Variants in CSMD1 observed in about 807,000 individuals in gnomAD.
CSMD1 encodes the protein CUB and sushi domain-containing protein 1.
Under a neutral mutation model 417.5 loss-of-function variants are expected in CSMD1, and 213 were observed. That is an observed-to-expected ratio of 0.51 (90% CI 0.46 to 0.57). The LOEUF (loss-of-function observed/expected upper bound fraction) is 0.57. Among genes scored for constraint, CSMD1 ranks in the 20% least tolerant of loss-of-function variants. The probability of loss-of-function intolerance (pLI) is 0.00; values close to 1 mark genes in which losing one functional copy is unlikely to be tolerated. For synonymous variants in CSMD1, 2,862 were observed against 1,736.8 expected, an observed-to-expected ratio of 1.65 and a Z score of -16.11; for missense variants, 6,923 against 4,529.7, an observed-to-expected ratio of 1.53 and a Z score of -15.17.
chr8:3,850,121 G>A (rs1279446358), intron 5 of CSMD1, among the ~76,000 whole-genome samples: 3 of 152,186 alleles, frequency 2.0e-5, no homozygotes, highest in African/African-American at 7.2e-5. Flanking sequence ...TGATACATTT[G>A]GGCGATGTCG....
intron 34 of CSMD1, 82 bp downstream of exon 34, chr8:3,189,830 T>A: frequency 7.7e-7 from 1 of 1,298,076 alleles, no homozygotes; most frequent in East Asian, 2.5e-5. Flanking sequence ...TGGATTTACG[T>A]AGCCTGGATA....
At chr8:4,549,896 C>CAAAAAAAAA (rs777040766) in intron 2 of CSMD1, among the ~76,000 whole-genome samples, 33 of 88,604 alleles carry the variant, frequency 3.7e-4, no homozygotes, top group East Asian at 7.6e-4. Context: ...GACTTTGTCT[C>CAAAAAAAAA]AAAAAAAAAA....
At chr8:3,329,733 A>G (rs1806772903) in intron 23 of CSMD1, among the ~76,000 whole-genome samples, 1 of 152,056 alleles carries the variant, frequency 6.6e-6, no homozygotes, top group Non-Finnish European at 1.5e-5. Flanking sequence ...CTAACTGAAG[A>G]GTGTGAGCAG....
At chr8:4,601,360 C>T (rs903114892) in intron 2 of CSMD1, among the ~76,000 whole-genome samples, 1 of 152,166 alleles carries the variant, frequency 6.6e-6, no homozygotes, top group African/African-American at 2.4e-5. Flanking sequence ...ACCAGGGCCT[C>T]TCTGAAGTGT....
Position 3,010,746 on chromosome 8 carries a change from CT to C in CSMD1, c.8029+7730del, listed in dbSNP as rs34404492. 8.8e-3 allele frequency among the ~76,000 whole-genome samples: 1,254 copies of C among 143,096 alleles called. 7 individuals are homozygous for C. Among genetic ancestry groups the C allele is most frequent in the Middle Eastern group, 0.03 (8 of 266 alleles). 93.9% of individuals were successfully genotyped at this position (143,096 alleles called of 152,430 possible). A position where few individuals can be genotyped will look rare whatever the true frequency, so the allele number is the denominator to read the frequency against. Reference sequence around the variant, plus strand: ...CCTTTTGCCATTATTCTATTCCCAACTTTTTTTTTTTTTTTGAGATGAAATT... The same window carrying C: ...CCTTTTGCCATTATTCTATTCCCAACTTTTTTTTTTTTTTGAGATGAAATT... On this transcript the variant is annotated intron_variant, in intron 52 of 69. Transcript: ENST00000635120.
chr8:4,530,865 G>C (rs1428094790), intron 2 of CSMD1, among the ~76,000 whole-genome samples: 1 of 151,800 alleles, frequency 6.6e-6, no homozygotes, highest in Non-Finnish European at 1.5e-5. Context: ...TTTTCACAAA[G>C]AAGTAAAGTC....
intron 3 of CSMD1, among the ~76,000 whole-genome samples, chr8:4,236,308 A>C (rs577237591): frequency 2.0e-5 from 3 of 152,240 alleles, no homozygotes; most frequent in South Asian, 4.1e-4. Flanking sequence ...AGAACGCAGG[A>C]AACAGTATAG....
At chr8:4,449,290 A>G (rs759325221) in intron 2 of CSMD1, among the ~76,000 whole-genome samples, 1 of 152,214 alleles carries the variant, frequency 6.6e-6, no homozygotes, top group African/African-American at 2.4e-5. Flanking sequence ...GAAATGTTTT[A>G]CCAGGAGCAG....
chr8:3,099,675 A>G (rs1815591584), intron 46 of CSMD1, among the ~76,000 whole-genome samples: 1 of 152,182 alleles, frequency 6.6e-6, no homozygotes, highest in Non-Finnish European at 1.5e-5. Context: ...TCCACCTGAA[A>G]ACCTATTCGC....
chr8:3,467,307 T>C (rs1816840975), intron 12 of CSMD1, among the ~76,000 whole-genome samples: 1 of 152,214 alleles, frequency 6.6e-6, no homozygotes, highest in Non-Finnish European at 1.5e-5. Context: ...TACTGCAATT[T>C]GCCCTGTTGG....
intron 40 of CSMD1, 59 bp downstream of exon 40, chr8:3,151,338 C>A: frequency 9.1e-7 from 1 of 1,093,130 alleles, no homozygotes; most frequent in Non-Finnish European, 1.4e-6. Context: ...CTGCTTAATT[C>A]TTTCCAAGAT....
intron 26 of CSMD1, among the ~76,000 whole-genome samples, chr8:3,235,773 A>G (rs1290085342): frequency 6.6e-6 from 1 of 152,042 alleles, no homozygotes; most frequent in Non-Finnish European, 1.5e-5. Context: ...TCTCAACCCA[A>G]TTTTTATTTG....
intron 23 of CSMD1, among the ~76,000 whole-genome samples, chr8:3,315,515 T>C (rs1356571156): frequency 6.6e-6 from 1 of 151,982 alleles, no homozygotes; most frequent in Non-Finnish European, 1.5e-5. Context: ...ACAGATGCTA[T>C]TGTTTTCAAA....
Position 4,599,092 on chromosome 8 carries a change from G to A in CSMD1, c.302+38250C>T, listed in dbSNP as rs6990648. ...CTAACTCTACACAAAGACAATGTTA[G>A]GATTAAGTAAAAAGTGTTAGAACGT... On this transcript the variant is annotated intron_variant, in intron 2 of 69. Transcript: ENST00000635120. 3.8e-3 allele frequency among the ~76,000 whole-genome samples: 584 copies of A among 152,176 alleles called. 4 individuals carry two copies. The highest frequency in any genetic ancestry group is 0.014 in the African/African-American group (562 of 41,514).
chr8:4,835,811 G>A (rs1296243077), intron 1 of CSMD1, among the ~76,000 whole-genome samples: 3 of 151,506 alleles, frequency 2.0e-5, no homozygotes, highest in Admixed American at 6.6e-5. Flanking sequence ...ATCTCATCAA[G>A]TATCCAGACA....
intron 2 of CSMD1, among the ~76,000 whole-genome samples, chr8:4,600,389 C>T (rs989493761): frequency 1.3e-5 from 2 of 152,032 alleles, no homozygotes; most frequent in African/African-American, 4.8e-5. Flanking sequence ...CTATTAAGAC[C>T]AATATGAAAG....
chr8:3,750,336 T>C (rs1797273177), intron 6 of CSMD1, among the ~76,000 whole-genome samples: 1 of 149,780 alleles, frequency 6.7e-6, no homozygotes, highest in East Asian at 1.9e-4. Flanking sequence ...ATATATCTTA[T>C]ATATATCATA....
intron 3 of CSMD1, among the ~76,000 whole-genome samples, chr8:4,181,462 G>A (rs1469748040): frequency 2.0e-5 from 3 of 151,842 alleles, no homozygotes; most frequent in Non-Finnish European, 4.4e-5. Context: ...GGGTCACACA[G>A]AAAATACACT....
At chr8:4,034,227 T>A (rs1472523057) in intron 3 of CSMD1, among the ~76,000 whole-genome samples, 1 of 147,898 alleles carries the variant, frequency 6.8e-6, no homozygotes, top group African/African-American at 2.4e-5. Context: ...ATGATATTAC[T>A]TAAGTACAAA....
Sources: allele counts gnomAD v4.1 joint callset (sites outside exome capture counted in the v4.1 genomes callset), GRCh38; gene constraint gnomAD v4.1.1; transcripts MANE v1.5; gene names NCBI Gene and HGNC (gene_info 2026-07-23, HGNC 2026-07-21).